Variants in NUDC observed in about 807,000 individuals in gnomAD.
NUDC encodes nuclear migration protein nudC.
A neutral mutation model predicts 45.0 loss-of-function variants in NUDC; 14 were observed. That is an observed-to-expected ratio of 0.31 (90% CI 0.21 to 0.49). The LOEUF is 0.49. Among genes scored for constraint, NUDC ranks in the 20% least tolerant of loss-of-function variants. NUDC has a pLI of 0.99. For missense variants in NUDC, 323 were observed against 426.2 expected (o/e 0.76, Z 2.13); for synonymous variants, 153 against 156.7 (o/e 0.98, Z 0.17).
intron 2 of NUDC, among the ~76,000 whole-genome samples, chr1:26,935,399 ATAGT>A (rs1314263225): frequency 3.9e-5 from 6 of 152,286 alleles, no homozygotes; most frequent in African/African-American, 1.2e-4. Context: ...TAATTGACTC[ATAGT>A]TCTGCATGGC....
chr1:26,934,662 GTT>G (rs757796116), intron 2 of NUDC, among the ~76,000 whole-genome samples: 6 of 142,676 alleles, frequency 4.2e-5, no homozygotes, highest in Admixed American at 7.1e-5. Context: ...AAGGACAGAG[GTT>G]TTTTTTTTTT....
chr1:26,938,825 G>A lies in NUDC; in HGVS notation c.160-2632G>A, dbSNP rs1009135561. On this transcript the variant is annotated intron_variant, in intron 2 of 8. Coordinates refer to ENST00000321265, the MANE Select transcript of NUDC (RefSeq NM_006600.4). ...CTGCAAGGCCTCTAGGGGTATGTGC[G>A]TATGTGTGCACATGCACACTGTGTA... Among the ~76,000 whole-genome samples the A allele has an allele frequency of 3.3e-5, 5 of 152,168 alleles. 1 individual carries two copies. The highest frequency in any genetic ancestry group is 4.1e-4 in the South Asian group (2 of 4,832).
At chr1:26,903,219 T>A (rs2081987980) in intron 2 of NUDC, among the ~76,000 whole-genome samples, 1 of 152,202 alleles carries the variant, frequency 6.6e-6, no homozygotes, top group South Asian at 2.1e-4. Context: ...AATTGTTTTA[T>A]TTATGCAAAG....
intron 2 of NUDC, among the ~76,000 whole-genome samples, chr1:26,925,853 C>G (rs2082127776): frequency 1.3e-5 from 2 of 151,640 alleles, no homozygotes. Flanking sequence ...TCCTGAGTAG[C>G]TGGGATTACA....
In NUDC at chr1:26,941,454, C is replaced by T; in HGVS notation, c.160-3C>T. 6.2e-7 allele frequency: 1 copy of T among 1,613,484 alleles called. No homozygotes were observed. The highest frequency in any genetic ancestry group is 8.5e-7 in the Non-Finnish European group (1 of 1,179,918). Reference sequence around the variant, plus strand: ...TGCCTCATGGCCTTTCTTCCCTCTCCAGCTTATCACACAGACTTTCAGCCA... The same window carrying T: ...TGCCTCATGGCCTTTCTTCCCTCTCTAGCTTATCACACAGACTTTCAGCCA... On this transcript the variant is annotated splice_region_variant and splice_polypyrimidine_tract_variant and intron_variant, in intron 2 of 8. Transcript: ENST00000321265.
chr1:26,942,540 A>G, intron 4 of NUDC, 120 bp from the exon 5 acceptor site: 1 of 1,443,882 alleles, frequency 6.9e-7, no homozygotes, highest in Non-Finnish European at 9.7e-7. Context: ...GTGGGCAGGG[A>G]CCAGGTCTGT....
chr1:26,942,675 G>A lies in NUDC; in HGVS notation c.445G>A (p.Glu149Lys). ...SPGKQDTEED[E>K]EEDEKDKGKL... Reference sequence around the variant, plus strand: ...TTGTAAGCAGGATACTGAGGAAGATGAGGAGGAAGATGAGAAGGACAAAGG... The same window carrying A: ...TTGTAAGCAGGATACTGAGGAAGATAAGGAGGAAGATGAGAAGGACAAAGG... The change falls in exon 5 of 9, where the codon GAG becomes AAG. Residue 149 changes from glutamate to lysine, a missense_variant. Glu to Lys is a moderately conservative substitution (Grantham distance 56, BLOSUM62 1). Coordinates refer to ENST00000321265, the MANE Select transcript of NUDC (RefSeq NM_006600.4). 5.0e-6 allele frequency: 8 copies of A among 1,613,652 alleles called. No individual in the cohort carries two copies. The highest frequency in any genetic ancestry group is 6.8e-6 in the Non-Finnish European group (8 of 1,179,694).
intron 2 of NUDC, 85 bp from the exon 3 acceptor site, chr1:26,941,372 C>A: frequency 7.0e-7 from 1 of 1,436,350 alleles, no homozygotes; most frequent in Non-Finnish European, 9.7e-7. Context: ...CCCTTGCACC[C>A]AGCAGGTAGA....
At chr1:26,937,720 A>G (rs1416389114) in intron 2 of NUDC, among the ~76,000 whole-genome samples, 1 of 150,912 alleles carries the variant, frequency 6.6e-6, no homozygotes, top group East Asian at 2.0e-4. Context: ...TGATGTGATC[A>G]TGGCTCACTG....
At chr1:26,900,634 A>ACTCACCTGGAAAAT (rs1382988080) in intron 1 of NUDC, among the ~76,000 whole-genome samples, 7 of 151,586 alleles carry the variant, frequency 4.6e-5, no homozygotes, top group Admixed American at 4.6e-4. Context: ...TGATGGAAAA[A>ACTCACCTGGAAAAT]CTCACCTGGA....
chr1:26,918,285 T>A (rs2082072111), upstream of NUDC, among the ~76,000 whole-genome samples: 2 of 148,476 alleles, frequency 1.3e-5, no homozygotes, highest in African/African-American at 4.9e-5. Flanking sequence ...GATTCTTTTT[T>A]TTTTTTTTTT....
At chr1:26,924,293 A>T in intron 2 of NUDC, 127 bp downstream of exon 2, 1 of 772,678 alleles carries the variant, frequency 1.3e-6, no homozygotes, top group Non-Finnish European at 2.2e-6. Flanking sequence ...GAATTGGGGA[A>T]GGGAAGGAAG....
intron 3 of NUDC, among the ~76,000 whole-genome samples, chr1:26,915,703 G>A (rs2082058547): frequency 6.6e-6 from 1 of 152,140 alleles, no homozygotes; most frequent in Admixed American, 6.6e-5. Context: ...GCTGCCATGG[G>A]GACAAAATGA....
At chr1:26,916,950 G>A (rs898438472), upstream of NUDC, among the ~76,000 whole-genome samples, 6 of 151,980 alleles carry the variant, frequency 3.9e-5, no homozygotes, top group African/African-American at 1.5e-4. Context: ...GTGAGACCCT[G>A]ACTAAAAATA....
chr1:26,908,869 G>A (rs2082013414), intron 2 of NUDC, among the ~76,000 whole-genome samples: 1 of 152,084 alleles, frequency 6.6e-6, no homozygotes, highest in African/African-American at 2.4e-5. Flanking sequence ...GGCCTCCCGA[G>A]TAGCTGGGAG....
Position 26,946,224 on chromosome 1 carries a change from C to G in NUDC, c.*43C>G, listed in dbSNP as rs1283520727. 1.3e-6 allele frequency: 2 copies of G among 1,548,096 alleles called. No homozygotes were observed. Among genetic ancestry groups the G allele is most frequent in the South Asian group, 1.1e-5 (1 of 89,784 alleles). ...CTGAACTCTTGGGGCTGAGCTGCAA[C>G]CACCCAACTTTCTTTCCCACTCTTC... On this transcript the variant is annotated 3_prime_UTR_variant, in exon 9 of 9. Transcript: ENST00000321265.
At chr1:26,905,515 C>A (rs2081999508) in intron 2 of NUDC, among the ~76,000 whole-genome samples, 1 of 152,112 alleles carries the variant, frequency 6.6e-6, no homozygotes, top group African/African-American at 2.4e-5. Context: ...CAAGGGACAT[C>A]TGGCTAGGGG....
chr1:26,942,046 C>T (rs2082282148), intron 4 of NUDC, among the ~76,000 whole-genome samples: 1 of 152,166 alleles, frequency 6.6e-6, no homozygotes, highest in Non-Finnish European at 1.5e-5. Flanking sequence ...GTAATCCCAG[C>T]ACTTTGGGAG....
intron 2 of NUDC, among the ~76,000 whole-genome samples, chr1:26,935,948 T>G: frequency 6.7e-6 from 1 of 149,298 alleles, no homozygotes; most frequent in South Asian, 2.1e-4. Context: ...GGTAATATAA[T>G]GAGACTCCAT....
Sources: gnomAD v4.1 joint callset for allele counts (sites outside exome capture counted in the v4.1 genomes callset) on GRCh38, gnomAD v4.1.1 for gene constraint, MANE v1.5 for transcripts, NCBI Gene and HGNC (gene_info 2026-07-23, HGNC 2026-07-21) for gene names.